Variants in PCCA observed in about 807,000 individuals in gnomAD.
PCCA encodes the protein propionyl-CoA carboxylase subunit alpha, also known as propionyl-CoA carboxylase alpha chain, mitochondrial.
In PCCA, 74 loss-of-function variants were observed where a neutral mutation model predicts 101.3. That is an observed-to-expected ratio of 0.73 (90% CI 0.61 to 0.89). PCCA has a LOEUF of 0.89. Ranked by LOEUF, PCCA falls within the 40% of genes least tolerant of loss-of-function variation. The probability of loss-of-function intolerance (pLI) is 0.00; values close to 1 mark genes in which losing one functional copy is unlikely to be tolerated. For missense variants in PCCA, 891 were observed against 907.0 expected (o/e 0.98, Z 0.23); for synonymous variants, 294 against 313.6 (o/e 0.94, Z 0.66).
chr13:100,256,529 A>G (rs568073090), intron 8 of PCCA, among the ~76,000 whole-genome samples: 4 of 152,196 alleles, frequency 2.6e-5, no homozygotes, highest in Admixed American at 2.6e-4. Flanking sequence ...GAACAGAAAA[A>G]AATTTTAATT....
chr13:100,434,067 C>T (rs1156797882), intron 20 of PCCA, among the ~76,000 whole-genome samples: 1 of 152,192 alleles, frequency 6.6e-6, no homozygotes, highest in South Asian at 2.1e-4. Context: ...CCTGGCCTCT[C>T]TTGTACTATT....
chr13:100,150,509 T>C, intron 4 of PCCA: 1 of 1,350,782 alleles, frequency 7.4e-7, no homozygotes, highest in Non-Finnish European at 1.0e-6. Context: ...CGGGAGAGTA[T>C]TGCGCCTTCT....
intron 1 of PCCA, among the ~76,000 whole-genome samples, chr13:100,091,995 A>G (rs868614970): frequency 1.1e-4 from 17 of 151,872 alleles, no homozygotes; most frequent in Non-Finnish European, 4.4e-5. Context: ...ATCTCAGCTC[A>G]CTGTAACCTC....
At chr13:100,347,220 C>T (rs1173228035) in intron 18 of PCCA, among the ~76,000 whole-genome samples, 2 of 152,090 alleles carry the variant, frequency 1.3e-5, no homozygotes, top group South Asian at 2.1e-4. Flanking sequence ...TAAGAGCTAT[C>T]GCACACTTAA....
chr13:100,338,673 A>G (rs991744512), intron 17 of PCCA, among the ~76,000 whole-genome samples: 3 of 149,704 alleles, frequency 2.0e-5, no homozygotes, highest in Admixed American at 6.7e-5. Flanking sequence ...TCCAATGCCC[A>G]TAAGAGTATG....
chr13:100,227,115 G>A (rs2060188422), intron 7 of PCCA, among the ~76,000 whole-genome samples: 1 of 152,014 alleles, frequency 6.6e-6, no homozygotes, highest in Non-Finnish European at 1.5e-5. Context: ...GGGATTGCAG[G>A]CATGCGCCAC....
intron 6 of PCCA, among the ~76,000 whole-genome samples, chr13:100,159,610 A>G (rs188195241): frequency 1.5e-4 from 23 of 152,358 alleles, no homozygotes; most frequent in Non-Finnish European, 2.8e-4. Context: ...GAAAGTAAGA[A>G]GGATGATTTC....
chr13:100,318,551 A>C (rs909354484), intron 16 of PCCA, among the ~76,000 whole-genome samples: 23 of 136,138 alleles, frequency 1.7e-4, no homozygotes, highest in Non-Finnish European at 3.0e-4. Flanking sequence ...CTCATTGTTC[A>C]GTTCCCACCT....
intron 6 of PCCA, among the ~76,000 whole-genome samples, chr13:100,174,272 C>A (rs1181308904): frequency 6.6e-6 from 1 of 151,830 alleles, no homozygotes; most frequent in East Asian, 1.9e-4. Flanking sequence ...GATTGAAATT[C>A]TTTTTTACGA....
intron 18 of PCCA, among the ~76,000 whole-genome samples, chr13:100,348,916 T>TTCTTTCCTTCCTTCCTTCC (rs2072886944): frequency 1.4e-5 from 1 of 73,878 alleles, no homozygotes; most frequent in East Asian, 2.6e-4. Context: ...CTTCCTTTCT[T>TTCTTTCCTTCCTTCCTTCC]TTCTTTTCTT....
intron 20 of PCCA, among the ~76,000 whole-genome samples, chr13:100,438,062 G>T (rs1036508319): frequency 1.3e-4 from 20 of 151,064 alleles, no homozygotes; most frequent in South Asian, 4.2e-4. Context: ...GTGTACCTGT[G>T]GAGACAAAAG....
At chr13:100,423,594 A>G (rs1209087243) in intron 19 of PCCA, among the ~76,000 whole-genome samples, 1 of 151,888 alleles carries the variant, frequency 6.6e-6, no homozygotes. Context: ...GCAAATTTCT[A>G]CTCATGACTC....
intron 1 of PCCA, among the ~76,000 whole-genome samples, chr13:100,092,126 G>T (rs1266035970): frequency 6.6e-6 from 1 of 151,944 alleles, no homozygotes. Flanking sequence ...GTTTCACCAT[G>T]TTGGCCACCT....
intron 11 of PCCA, among the ~76,000 whole-genome samples, chr13:100,271,827 T>G (rs985898412): frequency 2.0e-5 from 3 of 152,208 alleles, no homozygotes; most frequent in African/African-American, 4.8e-5. Context: ...GGATTTACTT[T>G]AAAAACAATA....
intron 6 of PCCA, among the ~76,000 whole-genome samples, chr13:100,174,762 T>A (rs1011765546): frequency 4.0e-5 from 6 of 151,228 alleles, no homozygotes; most frequent in Non-Finnish European, 7.4e-5. Context: ...GAAAGAGAAT[T>A]TAGCATGCAT....
intron 6 of PCCA, among the ~76,000 whole-genome samples, chr13:100,200,732 TA>T: frequency 6.6e-6 from 1 of 151,246 alleles, no homozygotes; most frequent in Middle Eastern, 3.5e-3. Flanking sequence ...GGTATGTATA[TA>T]AAACAAATTT....
At chr13:100,369,735 C>T (rs2075443363) in intron 19 of PCCA, among the ~76,000 whole-genome samples, 2 of 152,328 alleles carry the variant, frequency 1.3e-5, no homozygotes, top group Middle Eastern at 3.4e-3. Context: ...TGGAGTTAAA[C>T]AGCTGTCTCA....
chr13:100,483,935 G>C (rs1331375171), intron 21 of PCCA, among the ~76,000 whole-genome samples: 2 of 152,138 alleles, frequency 1.3e-5, no homozygotes, highest in Non-Finnish European at 2.9e-5. Flanking sequence ...CTTTGTGCCA[G>C]CTGGTTTCAT....
chr13:100,128,118 T>A (rs1260324513), intron 4 of PCCA, among the ~76,000 whole-genome samples: 1 of 152,168 alleles, frequency 6.6e-6, no homozygotes, highest in East Asian at 1.9e-4. Context: ...GTTACTGTTT[T>A]AAATTGAGAA....
Sources: gnomAD v4.1 joint callset for allele counts (sites outside exome capture counted in the v4.1 genomes callset) on GRCh38, gnomAD v4.1.1 for gene constraint, MANE v1.5 for transcripts, NCBI Gene and HGNC (gene_info 2026-07-23, HGNC 2026-07-21) for gene names.